Variants in RORB observed in about 807,000 individuals in gnomAD.
RORB encodes the protein nuclear receptor ROR-beta.
Under a neutral mutation model 59.1 loss-of-function variants are expected in RORB, and 6 were observed. The ratio of observed to expected loss-of-function variants is 0.10; its 90% CI spans 0.06 to 0.20. RORB has a LOEUF of 0.20. RORB is among the 10% of genes least tolerant of loss of function. The probability of loss-of-function intolerance (pLI) is 1.00; values close to 1 mark genes in which losing one functional copy is unlikely to be tolerated. For synonymous variants in RORB, 215 were observed against 204.5 expected (o/e 1.05, Z -0.44); for missense variants, 320 against 560.5 (o/e 0.57, Z 4.33).
intron 1 of RORB, among the ~76,000 whole-genome samples, chr9:74,534,977 A>G (rs1775073997): frequency 1.3e-5 from 2 of 152,036 alleles, no homozygotes; most frequent in Admixed American, 6.6e-5. Flanking sequence ...CTGCTTATGC[A>G]CAGTGACAAA....
intron 1 of RORB, among the ~76,000 whole-genome samples, chr9:74,549,215 G>T (rs1330710782): frequency 1.3e-5 from 2 of 152,088 alleles, no homozygotes; most frequent in Non-Finnish European, 2.9e-5. Flanking sequence ...GGAGGCTGAG[G>T]CGGGCGGATC....
intron 1 of RORB, among the ~76,000 whole-genome samples, chr9:74,558,349 G>A (rs1006481140): frequency 1.3e-5 from 2 of 152,084 alleles, no homozygotes; most frequent in African/African-American, 4.8e-5. Context: ...AGAATCTGTC[G>A]TCCTTGTGTG....
chr9:74,552,220 G>A (rs1224464303), intron 1 of RORB, among the ~76,000 whole-genome samples: 2 of 152,166 alleles, frequency 1.3e-5, no homozygotes, highest in African/African-American at 4.8e-5. Context: ...CTAAGGTAAT[G>A]AGAATCTCAT....
At chr9:74,620,390 C>A (rs897759508) in intron 1 of RORB, among the ~76,000 whole-genome samples, 1 of 152,066 alleles carries the variant, frequency 6.6e-6, no homozygotes, top group Non-Finnish European at 1.5e-5. Flanking sequence ...GTGGTGATAT[C>A]CATTTTATCA....
chr9:74,667,659 A>C (rs1157344503), intron 7 of RORB, 132 bp from the exon 8 acceptor site: 3 of 571,998 alleles, frequency 5.2e-6, no homozygotes, highest in Non-Finnish European at 9.3e-6. Context: ...ATAATTAGAA[A>C]CTTAAAAAAA....
intron 1 of RORB, among the ~76,000 whole-genome samples, chr9:74,603,309 T>C (rs904554383): frequency 1.3e-5 from 2 of 152,348 alleles, no homozygotes; most frequent in Non-Finnish European, 1.5e-5. Context: ...CGGGCAGTTT[T>C]CATGCTCAGT....
At chr9:74,676,721 G>A (rs1000874159) in intron 9 of RORB, among the ~76,000 whole-genome samples, 2 of 152,140 alleles carry the variant, frequency 1.3e-5, no homozygotes, top group Non-Finnish European at 2.9e-5. Flanking sequence ...CTCTTTCTTC[G>A]TATTTCTGGC....
At chr9:74,586,600 C>CGTGTGTGTGTGTGTGTGTGTGTGTGT (rs1313500289) in intron 1 of RORB, among the ~76,000 whole-genome samples, 1 of 141,200 alleles carries the variant, frequency 7.1e-6, no homozygotes, top group African/African-American at 2.7e-5. Context: ...ATGTAATGTC[C>CGTGTGTGTGTGTGTGTGTGTGTGTGT]GTGTGTGTGT....
chr9:74,635,365 C>A (rs998651686), intron 3 of RORB, among the ~76,000 whole-genome samples: 5 of 152,168 alleles, frequency 3.3e-5, no homozygotes, highest in African/African-American at 1.2e-4. Flanking sequence ...GAATGTCATA[C>A]CTTCTACACT....
intron 6 of RORB, among the ~76,000 whole-genome samples, chr9:74,663,967 A>G (rs1824228604): frequency 6.6e-6 from 1 of 152,150 alleles, no homozygotes; most frequent in African/African-American, 2.4e-5. Flanking sequence ...ATTATATACC[A>G]TCAGTCATGA....
At chr9:74,518,188 A>G (rs1245526935) in intron 1 of RORB, among the ~76,000 whole-genome samples, 1 of 151,974 alleles carries the variant, frequency 6.6e-6, no homozygotes, top group Non-Finnish European at 1.5e-5. Flanking sequence ...ACGCTAAGTG[A>G]GTGGTCTAGG....
At position 74,497,510 on chromosome 9, in the gene RORB, C is replaced by T. The variant is rs946653996; in HGVS notation, c.-467C>T. The T allele has an allele frequency of 5.6e-6, 1 of 179,888 alleles. No individual in the cohort carries two copies. The highest frequency in any genetic ancestry group is 1.2e-5 in the Non-Finnish European group (1 of 86,360). The allele number at this position is 179,888 out of a possible 1,614,324, so 11.1% of individuals were successfully genotyped here. The stretch of plus-strand genomic sequence containing the variant: ...TTTCCTTTTTTCCCCCTTGTTCCTT[C>T]TCCCTCTTCTTTGTAACTAACAAAA... On this transcript the variant is annotated 5_prime_UTR_variant, in exon 1 of 10. Transcript: ENST00000376896.
chr9:74,589,039 A>G (rs1822850095), intron 1 of RORB, among the ~76,000 whole-genome samples: 1 of 152,196 alleles, frequency 6.6e-6, no homozygotes, highest in Non-Finnish European at 1.5e-5. Context: ...ATGAAACATG[A>G]TGTTAACATT....
At chr9:74,626,873 C>A (rs1388852000) in intron 1 of RORB, among the ~76,000 whole-genome samples, 1 of 152,188 alleles carries the variant, frequency 6.6e-6, no homozygotes, top group Non-Finnish European at 1.5e-5. Flanking sequence ...TTATAAAACA[C>A]ATAGTATAGA....
chr9:74,594,185 C>T (rs1029689106), intron 1 of RORB, among the ~76,000 whole-genome samples: 1 of 152,142 alleles, frequency 6.6e-6, no homozygotes, highest in Non-Finnish European at 1.5e-5. Context: ...AAATAAGGAA[C>T]ATTTACCCTG....
At chr9:74,498,981 G>C (rs1358991309) in intron 1 of RORB, 3 of 152,748 alleles carry the variant, frequency 2.0e-5, no homozygotes, top group African/African-American at 7.2e-5. Context: ...TGCCTTGCCG[G>C]AGACCTCAGG....
At chr9:74,553,907 A>G (rs1191084166) in intron 1 of RORB, among the ~76,000 whole-genome samples, 1 of 152,192 alleles carries the variant, frequency 6.6e-6, no homozygotes, top group East Asian at 1.9e-4. Flanking sequence ...GTAGCACTTT[A>G]GAACTTGAAG....
chr9:74,615,695 A>T, intron 1 of RORB: 1 of 407,266 alleles, frequency 2.5e-6, no homozygotes, highest in Non-Finnish European at 5.0e-6. Flanking sequence ...ACCATCCTCC[A>T]GGCAAGGAAG....
intron 1 of RORB, among the ~76,000 whole-genome samples, chr9:74,529,323 T>C (rs1236319538): frequency 1.3e-5 from 2 of 151,466 alleles, no homozygotes; most frequent in African/African-American, 2.4e-5. Context: ...AAATAAGAAA[T>C]TTATAATCTA....
Sources: gnomAD v4.1 joint callset for allele counts (sites outside exome capture counted in the v4.1 genomes callset) on GRCh38, gnomAD v4.1.1 for gene constraint, MANE v1.5 for transcripts, NCBI Gene and HGNC (gene_info 2026-07-23, HGNC 2026-07-21) for gene names.